PIWIL1: variants seen among roughly 807,000 people sequenced by gnomAD.
PIWIL1 encodes the protein piwi like RNA-mediated gene silencing 1, also known as piwi-like protein 1.
In PIWIL1, 73 loss-of-function variants were observed where a neutral mutation model predicts 114.4. The observed-to-expected ratio is 0.64, with a 90% CI of 0.53 to 0.78. The LOEUF is 0.78. Ranked by LOEUF, PIWIL1 falls within the 30% of genes least tolerant of loss-of-function variation. PIWIL1 has a pLI of 0.00. For synonymous variants in PIWIL1, 375 were observed against 369.0 expected, an observed-to-expected ratio of 1.02 and a Z score of -0.19; for missense variants, 723 against 1,063.1, an observed-to-expected ratio of 0.68 and a Z score of 4.45.
At chr12:130,359,289 C>T (rs956831126) in intron 14 of PIWIL1, among the ~76,000 whole-genome samples, 1 of 152,180 alleles carries the variant, frequency 6.6e-6, no homozygotes, top group Non-Finnish European at 1.5e-5. Flanking sequence ...TGCATTCAGT[C>T]TTTGTCCAAG....
chr12:130,371,363 C>T, intron 20 of PIWIL1, 40 bp downstream of exon 20: 1 of 1,612,998 alleles, frequency 6.2e-7, no homozygotes, highest in African/African-American at 1.3e-5. Context: ...AAATAAAGGA[C>T]ATTCACTTTT....
Position 130,371,515 on chromosome 12 carries a change from G to T in PIWIL1, c.2503G>T (p.Ala835Ser), listed in dbSNP as rs745487305. The change falls in exon 21 of 21, where the codon GCC (alanine) becomes TCC (serine). Residue 835 changes from alanine to serine, a missense_variant. Physicochemically the swap from Ala to Ser is moderately conservative, Grantham distance 99. This residue lies in a region of PIWIL1 where 106 missense variants were observed against 182.8 expected (regional missense o/e 0.58). Transcript: ENST00000245255. ...VIRVPAPCQYAHKLAFLVGQS... is the reference protein window; with the variant it reads ...VIRVPAPCQYSHKLAFLVGQS... ...TCGTGTTCCTGCTCCTTGCCAGTAC[G>T]CCCACAAGCTGGCTTTTCTTGTTGG... 3 of 1,614,068 alleles carry T rather than the reference G, an allele frequency of 1.9e-6. No individual in the cohort carries two copies. Among genetic ancestry groups the T allele is most frequent in the South Asian group, 2.2e-5 (2 of 91,080 alleles).
chr12:130,404,660 C>T, the PIWIL1 span, among the ~76,000 whole-genome samples: 1 of 152,124 alleles, frequency 6.6e-6, no homozygotes, highest in East Asian at 1.9e-4. Flanking sequence ...TCTTTTCTGA[C>T]AGATGAAAGG....
At chr12:130,393,289 G>A in the PIWIL1 span, among the ~76,000 whole-genome samples, 10 of 146,498 alleles carry the variant, frequency 6.8e-5, no homozygotes, top group African/African-American at 1.0e-4. Flanking sequence ...ACATGTGTGC[G>A]TCAGTTACCT....
In PIWIL1 at chr12:130,367,992, T is replaced by A. The variant is rs577154994; in HGVS notation, c.2321+734T>A. Reference sequence around the variant, plus strand: ...TTTGTGTTTTTAGTAGAGACGAGGTTTCACCACGATGGCCAGGCTGGTCTC... The same window carrying A: ...TTTGTGTTTTTAGTAGAGACGAGGTATCACCACGATGGCCAGGCTGGTCTC... On this transcript the variant is annotated intron_variant, in intron 19 of 20. Transcript: ENST00000245255. Among the ~76,000 whole-genome samples, 6 of 152,276 alleles carry A rather than the reference T, an allele frequency of 3.9e-5. No homozygotes were observed. The East Asian group carries it at 1.2e-3, about 29-fold the overall frequency.
chr12:130,386,057 C>T, the PIWIL1 span, among the ~76,000 whole-genome samples: 1 of 152,200 alleles, frequency 6.6e-6, no homozygotes, highest in African/African-American at 2.4e-5. Flanking sequence ...ACCTAACCCA[C>T]CGCCATCAGT....
chr12:130,364,799 C>T (rs1271038208), intron 18 of PIWIL1, among the ~76,000 whole-genome samples: 5 of 152,024 alleles, frequency 3.3e-5, no homozygotes, highest in Non-Finnish European at 5.9e-5. Context: ...TTTTTTCCTG[C>T]GATTTACTAC....
chr12:130,421,691 A>ATGTGTGTGTG, the PIWIL1 span, among the ~76,000 whole-genome samples: 10,165 of 147,198 alleles, frequency 0.069, 512 homozygotes, highest in Admixed American at 0.17. Flanking sequence ...CTGCATTTAT[A>ATGTGTGTGTG]TGTGTGTGTG....
chr12:130,385,462 C>G, the PIWIL1 span, among the ~76,000 whole-genome samples: 4 of 152,076 alleles, frequency 2.6e-5, no homozygotes, highest in Non-Finnish European at 4.4e-5. Context: ...ACATAGTTAC[C>G]TACTTAACTG....
the PIWIL1 span, among the ~76,000 whole-genome samples, chr12:130,423,691 C>CT: frequency 0.23 from 23,085 of 98,848 alleles, 3,252 homozygotes; most frequent in Non-Finnish European, 0.26. Context: ...TTTCTTCAAT[C>CT]TTTTTTTTTT....
chr12:130,424,968 G>GA, the PIWIL1 span: 3 of 570,590 alleles, frequency 5.3e-6, no homozygotes, highest in Admixed American at 4.4e-5. This position sits in a 1 kb window ranked among gnomAD's most constrained non-coding sequence, Gnocchi z 9.8. Context: ...TGGAGGCACC[G>GA]AGGGGGGGGA....
intron 19 of PIWIL1, among the ~76,000 whole-genome samples, chr12:130,368,068 G>A (rs1565957052): frequency 6.6e-6 from 1 of 152,170 alleles, no homozygotes; most frequent in East Asian, 1.9e-4. Flanking sequence ...AAAGTGCTGG[G>A]ATTACAGGCA....
At chr12:130,369,402 G>T (rs1408617121) in intron 19 of PIWIL1, among the ~76,000 whole-genome samples, 1 of 152,112 alleles carries the variant, frequency 6.6e-6, no homozygotes, top group Admixed American at 6.5e-5. Flanking sequence ...ATTTATTTGG[G>T]TATATACCCA....
chr12:130,423,531 C>T, the PIWIL1 span, among the ~76,000 whole-genome samples: 10 of 151,810 alleles, frequency 6.6e-5, 1 homozygote, highest in African/African-American at 2.2e-4. Context: ...TCCCTATGCT[C>T]AAAACCAACA....
At chr12:130,415,368 A>C in the PIWIL1 span, among the ~76,000 whole-genome samples, 7 of 152,228 alleles carry the variant, frequency 4.6e-5, no homozygotes, top group Non-Finnish European at 7.3e-5. Flanking sequence ...GATTAAAAAA[A>C]CCCTCAACAA....
chr12:130,386,540 A>AC, the PIWIL1 span, among the ~76,000 whole-genome samples: 1 of 52,860 alleles, frequency 1.9e-5, no homozygotes, highest in Non-Finnish European at 3.7e-5. Flanking sequence ...CATGCACACC[A>AC]CCCCTTCCTG....
At chr12:130,424,594 C>A in the PIWIL1 span, 1 of 1,231,930 alleles carries the variant, frequency 8.1e-7, no homozygotes, top group Admixed American at 4.2e-5. The surrounding 1 kb of genome is among the most constrained non-coding windows in gnomAD (Gnocchi z 9.8). Flanking sequence ...TGGGGGACGG[C>A]CCCCGAGCCC....
At chr12:130,385,434 G>A in the PIWIL1 span, among the ~76,000 whole-genome samples, 13 of 152,162 alleles carry the variant, frequency 8.5e-5, no homozygotes, top group Admixed American at 2.0e-4. Context: ...TCAAATGCCT[G>A]ATTTTAGTAA....
the PIWIL1 span, among the ~76,000 whole-genome samples, chr12:130,408,087 T>C: frequency 2.0e-5 from 3 of 152,162 alleles, no homozygotes; most frequent in Non-Finnish European, 4.4e-5. Context: ...CTCCAGTCTG[T>C]CCATTAAACC....
Sources: allele counts gnomAD v4.1 joint callset (sites outside exome capture counted in the v4.1 genomes callset), GRCh38; gene constraint gnomAD v4.1.1; regional missense constraint gnomAD v4.1.1; non-coding constraint Gnocchi (gnomAD v3.1); transcripts MANE v1.5; gene names NCBI Gene and HGNC (gene_info 2026-07-23, HGNC 2026-07-21).